Variants in LOXL2 observed in about 807,000 individuals in gnomAD.
LOXL2 encodes the protein lysyl oxidase like 2.
A neutral mutation model predicts 93.0 loss-of-function variants in LOXL2; 70 were observed. The observed-to-expected ratio is 0.75, with a 90% CI of 0.62 to 0.92. The LOEUF (loss-of-function observed/expected upper bound fraction) is 0.92. LOXL2 is among the 40% of genes least tolerant of loss of function. The pLI is 0.00. For synonymous variants in LOXL2, 438 were observed against 413.2 expected, an observed-to-expected ratio of 1.06 and a Z score of -0.73; for missense variants, 973 against 1,054.9, an observed-to-expected ratio of 0.92 and a Z score of 1.08.
At chr8:23,398,849 T>C (rs1003919582) in intron 1 of LOXL2, among the ~76,000 whole-genome samples, 1 of 152,116 alleles carries the variant, frequency 6.6e-6, no homozygotes, top group African/African-American at 2.4e-5. Flanking sequence ...GGTCTCCCTA[T>C]GTTGCCAGCT....
intron 2 of LOXL2, chr8:23,364,869 G>A (rs1386119254): frequency 2.0e-5 from 3 of 152,136 alleles, no homozygotes; most frequent in African/African-American, 7.2e-5. Context: ...AAAATCTGTG[G>A]GGTTACAACA....
At chr8:23,387,990 A>C (rs1804789477) in intron 1 of LOXL2, among the ~76,000 whole-genome samples, 1 of 152,110 alleles carries the variant, frequency 6.6e-6, no homozygotes. Flanking sequence ...AAAAATATGA[A>C]ACATCTTTTC....
chr8:23,298,405 C>T (rs541026593), intron 13 of LOXL2, among the ~76,000 whole-genome samples: 5 of 152,372 alleles, frequency 3.3e-5, no homozygotes, highest in African/African-American at 1.2e-4. Flanking sequence ...TCTGCCTTCC[C>T]TTTTGTTCCC....
intron 1 of LOXL2, among the ~76,000 whole-genome samples, chr8:23,377,512 C>T (rs9772520): frequency 0.52 from 56,686 of 109,972 alleles, 16,907 homozygotes; most frequent in African/African-American, 0.7. Flanking sequence ...TTCTGTCTCA[C>T]TGATCTGTCT....
intron 6 of LOXL2, among the ~76,000 whole-genome samples, chr8:23,325,707 G>T (rs56185460): frequency 0.013 from 1,956 of 152,312 alleles, 15 homozygotes; most frequent in African/African-American, 0.016. Context: ...GCACTGGAGC[G>T]CTGCATGCTG....
intron 3 of LOXL2, among the ~76,000 whole-genome samples, chr8:23,354,560 A>T (rs1348120235): frequency 6.7e-6 from 1 of 149,900 alleles, no homozygotes; most frequent in Non-Finnish European, 1.5e-5. Context: ...CCAAGCACAC[A>T]ATACACATGC....
At chr8:23,387,721 A>G (rs1441255712) in intron 1 of LOXL2, among the ~76,000 whole-genome samples, 2 of 151,982 alleles carry the variant, frequency 1.3e-5, no homozygotes, top group African/African-American at 4.8e-5. Flanking sequence ...AGGCTGAGGC[A>G]GGTGGATCAC....
At position 23,322,271 on chromosome 8, in the gene LOXL2, G is replaced by A. The variant is rs201295841; in HGVS notation, c.1161C>T (p.Pro387=). 13 of 1,614,052 alleles carry A rather than the reference G, an allele frequency of 8.1e-6. No homozygotes were observed. Among genetic ancestry groups the A allele is most frequent in the Admixed American group, 1.7e-5 (1 of 60,022 alleles). The stretch of plus-strand genomic sequence containing the variant: ...TGCACTGGATCTCGTTGAGGTGGAT[G>A]GGTCCGATCCCTGCAAGGGGAGAAT... ...TGSRLGQGIG[P]IHLNEIQCTG... The change falls in exon 7 of 14, where the codon CCC becomes CCT. Residue 387 remains proline, a synonymous_variant. Transcript: ENST00000389131.
intron 8 of LOXL2, among the ~76,000 whole-genome samples, chr8:23,319,423 C>T (rs1372810228): frequency 6.6e-6 from 1 of 152,072 alleles, no homozygotes; most frequent in African/African-American, 2.4e-5. Context: ...ATGCATTAGG[C>T]ACAGATGCCA....
chr8:23,333,949 A>T (rs1803748009), intron 4 of LOXL2, among the ~76,000 whole-genome samples: 1 of 152,248 alleles, frequency 6.6e-6, no homozygotes, highest in Admixed American at 6.5e-5. Context: ...AAAGGTATTT[A>T]AAACAGGTGA....
intron 3 of LOXL2, among the ~76,000 whole-genome samples, chr8:23,348,112 T>C (rs147751972): frequency 0.038 from 5,821 of 151,988 alleles, 215 homozygotes; most frequent in East Asian, 0.1. Context: ...TGCAGGGACA[T>C]GGATGAAGCT....
intron 5 of LOXL2, among the ~76,000 whole-genome samples, chr8:23,332,694 CCA>C (rs1803718316): frequency 1.1e-5 from 1 of 90,158 alleles, no homozygotes; most frequent in Non-Finnish European, 2.2e-5. Flanking sequence ...CATACACCCC[CCA>C]CACACTCATA....
rs1563182421 is a variant in LOXL2, at chr8:23,297,979, TG to T, written c.*63del. 7.2e-6 allele frequency: 10 copies of T among 1,398,420 alleles called. No homozygotes were observed. The Admixed American group carries it at 1.3e-4, about 18-fold the overall frequency. 86.6% of individuals were successfully genotyped at this position (1,398,420 alleles called of 1,614,324 possible). ...GTGGCATTCGTTCAGACTCAGTTGT[TG>T]GGGGGAAGTCCCATGGAAGATGTGG... is the stretch of plus-strand genomic sequence containing the variant. On this transcript the variant is annotated 3_prime_UTR_variant, in exon 14 of 14. Coordinates refer to ENST00000389131, the MANE Select transcript of LOXL2 (RefSeq NM_002318.3).
At chr8:23,374,726 C>T (rs1157971589) in intron 1 of LOXL2, among the ~76,000 whole-genome samples, 1 of 152,188 alleles carries the variant, frequency 6.6e-6, no homozygotes, top group Non-Finnish European at 1.5e-5. Flanking sequence ...ATTCATGTGT[C>T]TGTTGGCTGC....
intron 4 of LOXL2, among the ~76,000 whole-genome samples, chr8:23,335,821 G>T (rs1353581353): frequency 1.3e-5 from 2 of 152,160 alleles, no homozygotes; most frequent in Non-Finnish European, 2.9e-5. Context: ...TGAAGACAGA[G>T]GAAGGGCAAA....
At chr8:23,403,448 C>CGCA (rs1800177586) in intron 1 of LOXL2, among the ~76,000 whole-genome samples, 1 of 152,080 alleles carries the variant, frequency 6.6e-6, no homozygotes, top group South Asian at 2.1e-4. Context: ...AGCTCCCGGG[C>CGCA]GCAGCCCCCG....
intron 1 of LOXL2, among the ~76,000 whole-genome samples, chr8:23,374,011 A>G (rs374276258): frequency 6.6e-6 from 1 of 152,044 alleles, no homozygotes; most frequent in East Asian, 1.9e-4. Context: ...CAGGTTTGTT[A>G]CATATGTATA....
chr8:23,344,634 G>T lies in LOXL2; in HGVS notation c.532-3431C>A, dbSNP rs182773066. On this transcript the variant is annotated intron_variant, in intron 3 of 13. Transcript: ENST00000389131. The stretch of plus-strand genomic sequence containing the variant: ...ATGATGATGTATGCATGACAGGGTT[G>T]TGTGTGTGTGCCGGTGTGTCATGTG... Among the ~76,000 whole-genome samples, 251 of 151,786 alleles carry T rather than the reference G, an allele frequency of 1.7e-3. 1 individual carries two copies. Among genetic ancestry groups the T allele is most frequent in the African/African-American group, 5.8e-3 (239 of 41,284 alleles).
At chr8:23,346,915 G>A (rs1803999310) in intron 3 of LOXL2, among the ~76,000 whole-genome samples, 1 of 152,344 alleles carries the variant, frequency 6.6e-6, no homozygotes. Flanking sequence ...GAATGCATGA[G>A]TGTCAACTCT....
Sources: allele counts gnomAD v4.1 joint callset (sites outside exome capture counted in the v4.1 genomes callset), GRCh38; gene constraint gnomAD v4.1.1; transcripts MANE v1.5; gene names NCBI Gene and HGNC (gene_info 2026-07-23, HGNC 2026-07-21).